MARK1: variants seen among roughly 807,000 people sequenced by gnomAD.
MARK1 encodes microtubule affinity regulating kinase 1.
Under a neutral mutation model 96.3 loss-of-function variants are expected in MARK1, and 40 were observed. The ratio of observed to expected loss-of-function variants is 0.42; its 90% confidence interval spans 0.32 to 0.54. MARK1 has a LOEUF of 0.54. Among genes scored for constraint, MARK1 ranks in the 20% least tolerant of loss-of-function variants. The probability of loss-of-function intolerance (pLI) is 0.16; values close to 1 mark genes in which losing one functional copy is unlikely to be tolerated. For missense variants in MARK1, 719 were observed against 984.6 expected, an observed-to-expected ratio of 0.73 and a Z score of 3.61; for synonymous variants, 317 against 341.2, an observed-to-expected ratio of 0.93 and a Z score of 0.78.
intron 9 of MARK1, 88 bp from the exon 10 acceptor site, chr1:220,630,947 C>T (rs1667647919): frequency 1.1e-6 from 1 of 874,628 alleles, no homozygotes. Flanking sequence ...CTTGAGTGAA[C>T]TAGTAATTTT....
At position 220,654,225 on chromosome 1, in the gene MARK1, G is replaced by C. The variant is rs1324727320; in HGVS notation, c.1988+873G>C. On this transcript the variant is annotated intron_variant, in intron 16 of 17. Coordinates refer to ENST00000366917, the MANE Select transcript of MARK1 (RefSeq NM_018650.5). The surrounding 1 kb of genome is among the most constrained non-coding windows in gnomAD (Gnocchi z 4.0). The stretch of plus-strand genomic sequence containing the variant: ...AGGAAGACACAATTGTTTCTATCTA[G>C]GGAGACAGTGAAGGCACCCTATCAT... Among the ~76,000 whole-genome samples the C allele has an allele frequency of 6.6e-6, 1 of 152,208 alleles. No individual in the cohort carries two copies. The highest frequency in any genetic ancestry group is 2.4e-5 in the African/African-American group (1 of 41,462).
chr1:220,597,772 C>T (rs1665475754), intron 3 of MARK1, among the ~76,000 whole-genome samples: 1 of 152,056 alleles, frequency 6.6e-6, no homozygotes, highest in African/African-American at 2.4e-5. Flanking sequence ...AAAATTTTAA[C>T]ATTTGTGTTT....
chr1:220,638,756 T>A (rs191179675), intron 13 of MARK1, among the ~76,000 whole-genome samples: 1 of 152,194 alleles, frequency 6.6e-6, no homozygotes, highest in East Asian at 1.9e-4. Context: ...CTATAATATA[T>A]TGTTATTTAC....
intron 1 of MARK1, among the ~76,000 whole-genome samples, chr1:220,555,337 T>C (rs1662169557): frequency 6.6e-6 from 1 of 152,192 alleles, no homozygotes; most frequent in African/African-American, 2.4e-5. Context: ...TGACTTAATT[T>C]ATGTCTCAGT....
intron 5 of MARK1, among the ~76,000 whole-genome samples, chr1:220,603,113 A>G (rs890561759): frequency 2.0e-5 from 3 of 152,046 alleles, no homozygotes; most frequent in African/African-American, 4.8e-5. Context: ...CCACTTTGCT[A>G]TACTTTACAA....
chr1:220,610,515 A>G (rs1386537253), intron 6 of MARK1, among the ~76,000 whole-genome samples: 2 of 151,768 alleles, frequency 1.3e-5, no homozygotes, highest in African/African-American at 4.8e-5. Flanking sequence ...TAGTTTGGAG[A>G]AGTTTGTTAT....
chr1:220,540,233 G>C (rs1204857207), intron 1 of MARK1, among the ~76,000 whole-genome samples: 1 of 152,178 alleles, frequency 6.6e-6, no homozygotes, highest in Non-Finnish European at 1.5e-5. Context: ...TCTGAAAGTG[G>C]GAGAACCAGG....
rs745830276 is a variant in MARK1 at position 220,579,483 on chromosome 1, C to A, written c.181C>A (p.Arg61Ser). The A allele has an allele frequency of 5.6e-6, 9 of 1,613,954 alleles. No homozygotes were observed. The Admixed American group carries it at 1.5e-4, about 27-fold the overall frequency. Residue 61 changes from arginine (R) to serine (S), a missense_variant, in exon 2 of 18, where the codon CGT becomes AGT. Arg to Ser is a moderately radical substitution (Grantham distance 110). Transcript: ENST00000366917. ...TDEQPHIGNY[R>S]LQKTIGKGNF... ...TGAACAGCCTCACATTGGAAATTAC[C>A]GTTTACAAAAAACAATAGGGAAGGG...
At chr1:220,579,246 AAT>A in intron 1 of MARK1, 106 bp from the exon 2 acceptor site, 1 of 753,512 alleles carries the variant, frequency 1.3e-6, no homozygotes. Context: ...GATGTAGTGC[AAT>A]ATGTTTTTAT....
In MARK1 at chr1:220,642,870, G is replaced by C. The variant is rs116323579; in HGVS notation, c.1470+6844G>C. On this transcript the variant is annotated intron_variant, in intron 13 of 17. Coordinates refer to ENST00000366917, the MANE Select transcript of MARK1 (RefSeq NM_018650.5). ...AAACTGCAGCAGACCTGCGGAAGAG[G>C]GGCCTGAGTGTTAGAAGAAAGACAA... Among the ~76,000 whole-genome samples, 593 of 152,230 alleles carry C rather than the reference G, an allele frequency of 3.9e-3. 5 individuals are homozygous for C. Among genetic ancestry groups the C allele is most frequent in the African/African-American group, 0.013 (551 of 41,536 alleles).
Position 220,618,690 on chromosome 1 carries a change from A to G in MARK1, c.844A>G (p.Thr282Ala). 1.9e-6 allele frequency: 3 copies of G among 1,612,972 alleles called. No homozygotes were observed. Among genetic ancestry groups the G allele is most frequent in the Non-Finnish European group, 2.5e-6 (3 of 1,179,450 alleles). Residue 282 changes from threonine (T) to alanine (A), a missense_variant, in exon 9 of 18, where the codon ACA (threonine) becomes GCA (alanine). This residue lies in a region of MARK1 where 96 missense variants were observed against 213.1 expected (regional missense o/e 0.45). Transcript: ENST00000366917. This position sits in a 1 kb window ranked among gnomAD's most constrained non-coding sequence, Gnocchi z 4.6. ...GKYRIPFYMS[T>A]DCENLLKKLL... ...GTACCGTATTCCCTTCTATATGTCC[A>G]CAGACTGTGAAAATCTTCTGAAGAA... is the stretch of plus-strand genomic sequence containing the variant.
At chr1:220,623,153 T>G (rs1375786487) in intron 9 of MARK1, among the ~76,000 whole-genome samples, 1 of 152,158 alleles carries the variant, frequency 6.6e-6, no homozygotes, top group East Asian at 1.9e-4. Context: ...TGCAGTTGGT[T>G]GGCCTAGTTC....
At chr1:220,591,611 AAGG>A (rs1416638159) in intron 3 of MARK1, among the ~76,000 whole-genome samples, 17 of 152,204 alleles carry the variant, frequency 1.1e-4, no homozygotes, top group Non-Finnish European at 2.1e-4. Context: ...ATAGTGCAGT[AAGG>A]AGCTGTTAAT....
At chr1:220,634,702 A>G (rs1667850891) in intron 11 of MARK1, among the ~76,000 whole-genome samples, 1 of 152,202 alleles carries the variant, frequency 6.6e-6, no homozygotes, top group Admixed American at 6.5e-5. Context: ...TTGGGATGCC[A>G]GTGATTCCAA....
intron 5 of MARK1, 60 bp downstream of exon 5, chr1:220,599,923 T>A: frequency 2.9e-6 from 3 of 1,047,812 alleles, no homozygotes; most frequent in Non-Finnish European, 4.2e-6. Flanking sequence ...TGTTAACACC[T>A]AAGAGTTCAT....
At chr1:220,617,395 G>T (rs1666814105) in intron 7 of MARK1, among the ~76,000 whole-genome samples, 1 of 152,046 alleles carries the variant, frequency 6.6e-6, no homozygotes, top group African/African-American at 2.4e-5. Context: ...ATAATTGTTG[G>T]ACCTTCCAGT....
intron 17 of MARK1, among the ~76,000 whole-genome samples, chr1:220,659,412 T>C (rs966124844): frequency 4.6e-5 from 7 of 152,182 alleles, no homozygotes; most frequent in African/African-American, 1.7e-4. Flanking sequence ...GGGTTTCAGC[T>C]ATGTTCCACC....
intron 6 of MARK1, among the ~76,000 whole-genome samples, chr1:220,613,720 A>G (rs930159301): frequency 6.6e-6 from 1 of 152,192 alleles, no homozygotes. Context: ...ATTTTGAAGC[A>G]TATTGCTTAA....
intron 6 of MARK1, among the ~76,000 whole-genome samples, chr1:220,612,003 G>C (rs1317208985): frequency 6.6e-6 from 1 of 152,190 alleles, no homozygotes; most frequent in East Asian, 1.9e-4. Context: ...AAAGTGCTGG[G>C]ATTATAGGCG....
Sources: gnomAD v4.1 joint callset for allele counts (sites outside exome capture counted in the v4.1 genomes callset) on GRCh38, gnomAD v4.1.1 for gene constraint, gnomAD v4.1.1 regional missense constraint, Gnocchi (gnomAD v3.1) non-coding constraint, MANE v1.5 for transcripts, NCBI Gene and HGNC (gene_info 2026-07-23, HGNC 2026-07-21) for gene names.